The following GRIN1 variants were observed in gnomAD, a reference collection of about 807,000 sequenced individuals.
The protein encoded by GRIN1 is glutamate receptor ionotropic, NMDA 1.
In GRIN1, 38 loss-of-function variants were observed where a neutral mutation model predicts 103.0. That is an observed-to-expected ratio of 0.37 (90% CI 0.28 to 0.48). The LOEUF (loss-of-function observed/expected upper bound fraction) is 0.48, where lower values mean the gene tolerates loss of function less well. GRIN1 is among the 20% of genes least tolerant of loss of function. The pLI is 0.98. For synonymous variants in GRIN1, 544 were observed against 532.7 expected, an observed-to-expected ratio of 1.02 and a Z score of -0.29; for missense variants, 577 against 1,288.9, an observed-to-expected ratio of 0.45 and a Z score of 8.46.
At position 137,142,125 on chromosome 9, in the gene GRIN1, G is replaced by A. The variant is rs773537376; in HGVS notation, c.371G>A (p.Arg124His). Reference sequence around the variant, plus strand: ...ATACCCGTGCTGGGGCTGACCACCCGCATGTCCATCTACTCGGACAAGGTA... The same window carrying A: ...ATACCCGTGCTGGGGCTGACCACCCACATGTCCATCTACTCGGACAAGGTA... ...YRIPVLGLTT[R>H]MSIYSDKSIH... Residue 124 changes from arginine (R) to histidine (H), a missense_variant, in exon 2 of 20, where the codon CGC (arginine) becomes CAC (histidine). Around this residue, in one of 9 missense-constraint regions of GRIN1, gnomAD observed 308 missense variants for 553.6 expected, o/e 0.56. Transcript: ENST00000371561. 3 of 1,614,106 alleles carry A rather than the reference G, an allele frequency of 1.9e-6. No individual in the cohort carries two copies. The highest frequency in any genetic ancestry group is 2.2e-5 in the South Asian group (2 of 91,088).
chr9:137,157,590 G>A (rs973047198), intron 6 of GRIN1, among the ~76,000 whole-genome samples: 1 of 152,192 alleles, frequency 6.6e-6, no homozygotes, highest in African/African-American at 2.4e-5. Context: ...CAGACAAGCA[G>A]CCCAAGAACA....
Position 137,161,108 on chromosome 9 carries a change from A to G in GRIN1, c.1250A>G (p.Asp417Gly). Residue 417 changes from aspartate to glycine, a missense_variant, in exon 9 of 20, where the codon GAT becomes GGT. By Grantham distance (94) the Asp-to-Gly change is moderately conservative (BLOSUM62 -1). Around this residue, in one of 9 missense-constraint regions of GRIN1, gnomAD observed 96 missense variants for 145.0 expected, o/e 0.66. Coordinates refer to ENST00000371561, the MANE Select transcript of GRIN1 (RefSeq NM_007327.4). Reference protein sequence around the residue: ...PFVYVKPTLSDGTCKEEFTVN... With the variant: ...PFVYVKPTLSGGTCKEEFTVN... ...GTGTACGTCAAGCCCACGCTGAGTG[A>G]TGGGACATGCAAGGAGGAGTTCACA... 6.2e-7 allele frequency: 1 copy of G among 1,612,898 alleles called. No individual in the cohort carries two copies. Among genetic ancestry groups the G allele is most frequent in the Non-Finnish European group, 8.5e-7 (1 of 1,179,912 alleles).
chr9:137,141,745 G>T (rs1432042369), intron 1 of GRIN1, among the ~76,000 whole-genome samples: 1 of 152,154 alleles, frequency 6.6e-6, no homozygotes, highest in African/African-American at 2.4e-5. Flanking sequence ...CATCCCAAGG[G>T]CAGTCCTTCA....
intron 4 of GRIN1, 149 bp downstream of exon 4, chr9:137,149,258 C>T (rs1832709146): frequency 1.4e-6 from 1 of 691,200 alleles, no homozygotes; most frequent in Non-Finnish European, 2.6e-6. Flanking sequence ...CCACCCCCAC[C>T]CGCACCCACA....
chr9:137,142,960 T>C (rs1293176511), intron 2 of GRIN1, among the ~76,000 whole-genome samples: 1 of 152,198 alleles, frequency 6.6e-6, no homozygotes, highest in African/African-American at 2.4e-5. Context: ...CCAGTCAGTT[T>C]TGCAGGAATC....
In GRIN1 at chr9:137,139,893, C is replaced by A; in HGVS notation, c.258+149C>A. ...TGGCTGCTTCCGGGAGGCCTCGTCT[C>A]ACTAGGAACCAAACACCAGGGTCTG... On this transcript the variant is annotated intron_variant, in intron 1 of 19. Transcript: ENST00000371561. This position sits in a 1 kb window ranked among gnomAD's most constrained non-coding sequence, Gnocchi z 7.7. 1 of 679,936 alleles carries A rather than the reference C, an allele frequency of 1.5e-6. No individual in the cohort carries two copies. Among genetic ancestry groups the A allele is most frequent in the South Asian group, 1.7e-5 (1 of 59,106 alleles). 42.1% of individuals were successfully genotyped at this position (679,936 alleles called of 1,614,324 possible). A position where few individuals can be genotyped will look rare whatever the true frequency, so the allele number is the denominator to read the frequency against.
intron 2 of GRIN1, among the ~76,000 whole-genome samples, chr9:137,142,671 G>A (rs1441189456): frequency 1.3e-5 from 2 of 152,222 alleles, no homozygotes; most frequent in Non-Finnish European, 2.9e-5. Context: ...TTCTAGACAG[G>A]TGGACTTTGA....
Position 137,148,955 on chromosome 9 carries a change from A to G in GRIN1, c.571-54A>G, listed in dbSNP as rs1832694464. 2.3e-6 allele frequency: 3 copies of G among 1,290,554 alleles called. No individual in the cohort carries two copies. In the East Asian group the frequency reaches 7.3e-5, roughly 31 times the overall value. 79.9% of individuals were successfully genotyped at this position (1,290,554 alleles called of 1,614,324 possible). On this transcript the variant is annotated intron_variant, in intron 3 of 19. Transcript: ENST00000371561. ...GGCTCCGGCCCAACTCTCACCCCTGAGGCGCTATGTCCCCTGCCCCAGCCG... is the reference window on the plus strand; with the variant it reads ...GGCTCCGGCCCAACTCTCACCCCTGGGGCGCTATGTCCCCTGCCCCAGCCG...
chr9:137,143,548 CT>C (rs200086971), intron 2 of GRIN1, among the ~76,000 whole-genome samples: 1,897 of 152,334 alleles, frequency 0.012, 41 homozygotes, highest in African/African-American at 0.043. Context: ...ACGGATGCCC[CT>C]GGCCCAGAGC....
intron 11 of GRIN1, 25 bp downstream of exon 11, chr9:137,162,113 T>TGGGGGGGGGGGGGGGGGGGGGGGGGGGGG: frequency 3.3e-6 from 1 of 301,222 alleles, no homozygotes; most frequent in Non-Finnish European, 6.2e-6. Flanking sequence ...GGTGGCGGGG[T>TGGGGGGGGGGGGGGGGGGGGGGGGGGGGG]GGCGGCGGGG....
At chr9:137,165,557 A>G in intron 19 of GRIN1, 1 of 503,918 alleles carries the variant, frequency 2.0e-6, no homozygotes, top group Non-Finnish European at 3.6e-6. Context: ...CATGACCCAC[A>G]CGCCATCTTG....
intron 1 of GRIN1, among the ~76,000 whole-genome samples, chr9:137,140,313 G>A (rs1359857780): frequency 6.6e-6 from 1 of 152,220 alleles, no homozygotes; most frequent in Non-Finnish European, 1.5e-5. Context: ...CTGCGGGGGA[G>A]GACGTGGCTC....
intron 3 of GRIN1, among the ~76,000 whole-genome samples, chr9:137,147,623 TA>T (rs199584847): frequency 0.02 from 3,086 of 152,218 alleles, 107 homozygotes; most frequent in African/African-American, 0.07. Flanking sequence ...CAGGCGCACA[TA>T]ACGCACACAC....
chr9:137,163,954 ACGGCCCTC>A, intron 18 of GRIN1, 50 bp downstream of exon 18: 1 of 1,597,902 alleles, frequency 6.3e-7, no homozygotes. Flanking sequence ...CGGCCTGGCC[ACGGCCCTC>A]CTCCATCCCC....
intron 1 of GRIN1, among the ~76,000 whole-genome samples, chr9:137,141,684 C>G (rs905369203): frequency 4.6e-5 from 7 of 152,180 alleles, no homozygotes; most frequent in African/African-American, 1.4e-4. Flanking sequence ...GCAGGACCAG[C>G]CATCCTCCCC....
At position 137,163,673 on chromosome 9, in the gene GRIN1, G is replaced by T; in HGVS notation, c.2443+5G>T. ...TTACTTTTGAGAACATGGCCGGTGC[G>T]TTCTCCTTCATCCATTCTCGGGTGG... On this transcript the variant is annotated splice_donor_5th_base_variant and intron_variant, in intron 17 of 19. Coordinates refer to ENST00000371561, the MANE Select transcript of GRIN1 (RefSeq NM_007327.4). 1 of 1,613,098 alleles carries T rather than the reference G, an allele frequency of 6.2e-7. No individual in the cohort carries two copies. The highest frequency in any genetic ancestry group is 8.5e-7 in the Non-Finnish European group (1 of 1,179,364).
chr9:137,144,254 G>A (rs1293394906), intron 2 of GRIN1, among the ~76,000 whole-genome samples: 1 of 152,096 alleles, frequency 6.6e-6, no homozygotes, highest in Non-Finnish European at 1.5e-5. Context: ...GAGATTATAT[G>A]TGGGAGGAGA....
intron 2 of GRIN1, among the ~76,000 whole-genome samples, chr9:137,143,816 C>G (rs1418452257): frequency 6.6e-6 from 1 of 152,198 alleles, no homozygotes; most frequent in African/African-American, 2.4e-5. Flanking sequence ...CAGAGGACCA[C>G]AAGATCAGCA....
chr9:137,149,253 C>T lies in GRIN1; in HGVS notation c.671+144C>T, dbSNP rs866378338. On this transcript the variant is annotated intron_variant, in intron 4 of 19. Transcript: ENST00000371561. ...TTCACCAAGGACAGCCACCCCCACC[C>T]CCACCCGCACCCACACTCCTATCGG... 62 of 690,418 alleles carry T rather than the reference C, an allele frequency of 9.0e-5. 1 individual carries two copies. The highest frequency in any genetic ancestry group is 7.8e-4 in the Middle Eastern group (3 of 3,864). The allele number at this position is 690,418 out of a possible 1,614,324, so 42.8% of individuals were successfully genotyped here. A position where few individuals can be genotyped will look rare whatever the true frequency, so the allele number is the denominator to read the frequency against.
Sources: allele counts gnomAD v4.1 joint callset (sites outside exome capture counted in the v4.1 genomes callset), GRCh38; gene constraint gnomAD v4.1.1; regional missense constraint gnomAD v4.1.1; non-coding constraint Gnocchi (gnomAD v3.1); transcripts MANE v1.5; gene names NCBI Gene and HGNC (gene_info 2026-07-23, HGNC 2026-07-21).